RPRD2: variants seen among roughly 807,000 people sequenced by gnomAD.
RPRD2 encodes regulation of nuclear pre-mRNA domain containing 2.
In RPRD2, 12 loss-of-function variants were observed where a neutral mutation model predicts 104.4. The ratio of observed to expected loss-of-function variants is 0.11; its 90% CI spans 0.07 to 0.19. The LOEUF is 0.19. RPRD2 is among the 10% of genes least tolerant of loss of function. The pLI, the probability that RPRD2 is intolerant of heterozygous loss-of-function variation, is 1.00. For missense variants in RPRD2, 1,543 were observed against 1,790.1 expected, an observed-to-expected ratio of 0.86 and a Z score of 2.49; for synonymous variants, 714 against 684.9, an observed-to-expected ratio of 1.04 and a Z score of -0.66.
intron 2 of RPRD2, among the ~76,000 whole-genome samples, chr1:150,418,952 C>G (rs894729694): frequency 6.6e-6 from 1 of 152,148 alleles, no homozygotes; most frequent in Non-Finnish European, 1.5e-5. Flanking sequence ...GCAGAGCTTG[C>G]AGTAAGCCGA....
chr1:150,425,269 CATTATT>C (rs1400830400), intron 2 of RPRD2, among the ~76,000 whole-genome samples: 1 of 152,048 alleles, frequency 6.6e-6, no homozygotes, highest in Non-Finnish European at 1.5e-5. Flanking sequence ...CTACTACTGC[CATTATT>C]ATTATTAACA....
At chr1:150,470,351 A>G (rs1668513417) in intron 10 of RPRD2, among the ~76,000 whole-genome samples, 1 of 152,044 alleles carries the variant, frequency 6.6e-6, no homozygotes, top group Non-Finnish European at 1.5e-5. Flanking sequence ...TACTGGAAAC[A>G]TTTCAGTGAT....
At chr1:150,392,734 T>TG (rs1560163600) in intron 1 of RPRD2, among the ~76,000 whole-genome samples, 1 of 152,000 alleles carries the variant, frequency 6.6e-6, no homozygotes, top group Non-Finnish European at 1.5e-5. Context: ...TCCCAGTTAC[T>TG]GGAAAGGCTG....
chr1:150,365,315 C>G (rs1219935178), intron 1 of RPRD2, among the ~76,000 whole-genome samples: 1 of 152,166 alleles, frequency 6.6e-6, no homozygotes, highest in Non-Finnish European at 1.5e-5. Context: ...GGTAGGCGAG[C>G]TGTGGTTTTA....
At chr1:150,407,642 T>C (rs1476829547) in intron 1 of RPRD2, among the ~76,000 whole-genome samples, 1 of 152,206 alleles carries the variant, frequency 6.6e-6, no homozygotes. Flanking sequence ...TTCTTTCTGC[T>C]ACCTTGATAC....
chr1:150,437,409 A>G (rs1292458627), intron 2 of RPRD2, among the ~76,000 whole-genome samples: 3 of 152,188 alleles, frequency 2.0e-5, no homozygotes, highest in African/African-American at 7.2e-5. Context: ...TCATCAAGGC[A>G]AGACCCTCCA....
At chr1:150,398,260 G>A (rs968957019) in intron 1 of RPRD2, among the ~76,000 whole-genome samples, 5 of 151,468 alleles carry the variant, frequency 3.3e-5, no homozygotes, top group African/African-American at 4.9e-5. Flanking sequence ...GCAGTGGCGC[G>A]ATCTCGGCTC....
intron 1 of RPRD2, among the ~76,000 whole-genome samples, chr1:150,370,057 C>T (rs1367093051): frequency 6.6e-6 from 1 of 152,120 alleles, no homozygotes; most frequent in Non-Finnish European, 1.5e-5. Flanking sequence ...GCTGGGATTA[C>T]AGGCGTGAGC....
In RPRD2 at chr1:150,469,559, G is replaced by A. The variant is rs587640078; in HGVS notation, c.1613-1002G>A. 5.3e-5 allele frequency among the ~76,000 whole-genome samples: 8 copies of A among 152,290 alleles called. No homozygotes were observed. The East Asian group carries it at 1.3e-3, about 26-fold the overall frequency. ...CCCAAAATGCTAGGATTACAGGCAT[G>A]AGCCACCGTGCCCAGCCAAAAGTCT... is the stretch of plus-strand genomic sequence containing the variant. On this transcript the variant is annotated intron_variant, in intron 10 of 10. Transcript: ENST00000369068.
chr1:150,472,958 C>A lies in RPRD2; in HGVS notation c.4010C>A (p.Ala1337Asp), dbSNP rs780116367. 1 of 1,613,868 alleles carries A rather than the reference C, an allele frequency of 6.2e-7. No homozygotes were observed. The stretch of plus-strand genomic sequence containing the variant: ...AGTTCCCTCCTTCAAGGGACCCTGG[C>A]TGAGCATTTTGGGGTACTCCCAGGA... ...DHSSLLQGTL[A>D]EHFGVLPGPR... Residue 1337 changes from alanine (A) to aspartate (D), a missense_variant, in exon 11 of 11, where the codon GCT becomes GAT. Physicochemically the swap from Ala to Asp is moderately radical, Grantham distance 126. Coordinates refer to ENST00000369068, the MANE Select transcript of RPRD2 (RefSeq NM_015203.5).
chr1:150,379,163 A>G (rs1212971061), intron 1 of RPRD2, among the ~76,000 whole-genome samples: 2 of 151,102 alleles, frequency 1.3e-5, no homozygotes, highest in African/African-American at 2.4e-5. Flanking sequence ...TGCGCCTGTA[A>G]TCCCAGCTAC....
intron 1 of RPRD2, among the ~76,000 whole-genome samples, chr1:150,402,992 C>A (rs1199749035): frequency 1.3e-5 from 2 of 151,134 alleles, no homozygotes; most frequent in South Asian, 2.1e-4. Flanking sequence ...CAAAAAAGAT[C>A]CCCGTTTCAG....
intron 7 of RPRD2, among the ~76,000 whole-genome samples, chr1:150,453,226 T>A (rs1321338457): frequency 1.3e-5 from 2 of 151,770 alleles, no homozygotes; most frequent in South Asian, 2.1e-4. Context: ...AGAGACGAGG[T>A]TTCACCATAT....
At chr1:150,422,666 T>G (rs1204619907) in intron 2 of RPRD2, among the ~76,000 whole-genome samples, 2 of 152,160 alleles carry the variant, frequency 1.3e-5, no homozygotes, top group African/African-American at 4.8e-5. Context: ...GAAATGTGGA[T>G]TTTTATATGA....
At position 150,471,930 on chromosome 1, in the gene RPRD2, G is replaced by A. The variant is rs1668615187; in HGVS notation, c.2982G>A (p.Glu994=). 1 of 1,613,888 alleles carries A rather than the reference G, an allele frequency of 6.2e-7. No homozygotes were observed. The highest frequency in any genetic ancestry group is 8.5e-7 in the Non-Finnish European group (1 of 1,179,872). Residue 994 remains glutamate (E), a synonymous_variant, in exon 11 of 11, where the codon GAG becomes GAA. Transcript: ENST00000369068. This position sits in a 1 kb window ranked among gnomAD's most constrained non-coding sequence, Gnocchi z 5.3. The part of the protein sequence containing the change: ...PTGHPPTSGV[E]KVLASTISTT... Reference sequence around the variant, plus strand: ...GTCACCCACCCACGTCAGGCGTGGAGAAAGTCCTGGCCTCCACCATTTCCA... The same window carrying A: ...GTCACCCACCCACGTCAGGCGTGGAAAAAGTCCTGGCCTCCACCATTTCCA...
At chr1:150,418,699 G>C (rs1664546130) in intron 2 of RPRD2, among the ~76,000 whole-genome samples, 1 of 152,064 alleles carries the variant, frequency 6.6e-6, no homozygotes, top group South Asian at 2.1e-4. Context: ...TCTTTTTGGA[G>C]CTTTACAAAA....
At chr1:150,394,126 C>T (rs964644969) in intron 1 of RPRD2, among the ~76,000 whole-genome samples, 3 of 152,118 alleles carry the variant, frequency 2.0e-5, no homozygotes, top group Admixed American at 6.6e-5. Context: ...TCTCGGCTCA[C>T]TGCAACCTCC....
At chr1:150,384,248 G>A (rs1477265240) in intron 1 of RPRD2, among the ~76,000 whole-genome samples, 4 of 151,922 alleles carry the variant, frequency 2.6e-5, no homozygotes, top group Admixed American at 2.6e-4. Context: ...TGCAGAGCAG[G>A]GAGTACCAAT....
At chr1:150,470,425 C>A in intron 10 of RPRD2, 136 bp from the exon 11 acceptor site, 1 of 811,480 alleles carries the variant, frequency 1.2e-6, no homozygotes, top group Non-Finnish European at 1.9e-6. Context: ...CTTGTTTGGT[C>A]TGGATTCCTT....
Sources: allele counts gnomAD v4.1 joint callset (sites outside exome capture counted in the v4.1 genomes callset), GRCh38; gene constraint gnomAD v4.1.1; non-coding constraint Gnocchi (gnomAD v3.1); transcripts MANE v1.5; gene names NCBI Gene and HGNC (gene_info 2026-07-23, HGNC 2026-07-21).